HNRNPR: variants seen among roughly 807,000 people sequenced by gnomAD.
The protein encoded by HNRNPR is heterogeneous nuclear ribonucleoprotein R.
HNRNPR carries 4 observed loss-of-function variants against 70.3 expected under a neutral mutation model. The ratio of observed to expected loss-of-function variants is 0.06; its 90% CI spans 0.03 to 0.13. The LOEUF is 0.13. HNRNPR is among the 10% of genes least tolerant of loss of function. The pLI, the probability that HNRNPR is intolerant of heterozygous loss-of-function variation, is 1.00. For synonymous variants in HNRNPR, 241 were observed against 267.6 expected (o/e 0.90, Z 0.97); for missense variants, 423 against 788.5 (o/e 0.54, Z 5.55).
rs1214641512 is a variant in HNRNPR, at chr1:23,319,861, C to T, written c.812-1173G>A. On this transcript the variant is annotated intron_variant, in intron 7 of 10. Transcript: ENST00000302271. ...GCACGTGTTGCTGTCTTGGAATGCA[C>T]TTCCTTTTGCTCTTTGTATGCTACA... is the stretch of plus-strand genomic sequence containing the variant. Among the ~76,000 whole-genome samples the T allele has an allele frequency of 3.9e-4, 59 of 152,178 alleles. 1 individual carries two copies. Among genetic ancestry groups the T allele is most frequent in the Admixed American group, 3.9e-3 (59 of 15,276 alleles).
At chr1:23,326,870 A>G (rs1311342643) in intron 5 of HNRNPR, among the ~76,000 whole-genome samples, 2 of 152,200 alleles carry the variant, frequency 1.3e-5, no homozygotes, top group Non-Finnish European at 2.9e-5. Flanking sequence ...TGCAACTACC[A>G]CCGTCAAAAC....
intron 2 of HNRNPR, among the ~76,000 whole-genome samples, chr1:23,339,100 C>G (rs1002547232): frequency 6.6e-6 from 1 of 152,198 alleles, no homozygotes; most frequent in African/African-American, 2.4e-5. Context: ...TCTTTCCACT[C>G]TCCAAAAAGT....
chr1:23,335,481 T>G (rs913021236), intron 4 of HNRNPR, among the ~76,000 whole-genome samples: 8 of 152,232 alleles, frequency 5.3e-5, no homozygotes, highest in African/African-American at 1.9e-4. Context: ...TCATCTGTAT[T>G]TACAGCCGCT....
chr1:23,308,064 T>G lies in HNRNPR; in HGVS notation c.*2390A>C, dbSNP rs1406321007. On this transcript the variant is annotated 3_prime_UTR_variant, in exon 11 of 11. Coordinates refer to ENST00000302271, the MANE Select transcript of HNRNPR (RefSeq NM_005826.5). ...TGCTACAGTGTTAATTTACAAGACA[T>G]GAAAGAAGAAAAGCTCTTGAGTTTT... 1 of 152,036 alleles carries G rather than the reference T, an allele frequency of 6.6e-6. No individual in the cohort carries two copies. Among genetic ancestry groups the G allele is most frequent in the African/African-American group, 2.4e-5 (1 of 41,450 alleles). The allele number at this position is 152,036 out of a possible 1,614,324, so 9.4% of individuals were successfully genotyped here. A position where few individuals can be genotyped will look rare whatever the true frequency, so the allele number is the denominator to read the frequency against.
intron 1 of HNRNPR, among the ~76,000 whole-genome samples, 186 bp downstream of exon 1, chr1:23,344,025 G>A (rs552403597): frequency 9.2e-5 from 14 of 152,202 alleles, no homozygotes; most frequent in African/African-American, 3.1e-4. Context: ...AGGGCGAGAA[G>A]CGTTTCGGCC....
intron 5 of HNRNPR, 35 bp from the exon 6 acceptor site, chr1:23,323,767 A>G (rs747841299): frequency 1.4e-5 from 22 of 1,580,064 alleles, no homozygotes; most frequent in Non-Finnish European, 1.9e-5. Flanking sequence ...ATCCAACATA[A>G]GCATTTGATT....
rs1569867940 is a variant in HNRNPR, at chr1:23,310,062, T to G, written c.*392A>C. ...AAAACTACTAAGACAAAGCACTAGC[T>G]TGTATTTTTATTTACAGCATACTCC... On this transcript the variant is annotated 3_prime_UTR_variant, in exon 11 of 11. Coordinates refer to ENST00000302271, the MANE Select transcript of HNRNPR (RefSeq NM_005826.5). The surrounding 1 kb of genome is among the most constrained non-coding windows in gnomAD (Gnocchi z 6.0). 1.3e-5 allele frequency: 2 copies of G among 157,224 alleles called. No homozygotes were observed. Among genetic ancestry groups the G allele is most frequent in the East Asian group, 3.8e-4 (2 of 5,328 alleles). 9.7% of individuals were successfully genotyped at this position (157,224 alleles called of 1,614,324 possible). A position where few individuals can be genotyped will look rare whatever the true frequency, so the allele number is the denominator to read the frequency against.
At chr1:23,329,249 A>T (rs904922118) in intron 5 of HNRNPR, among the ~76,000 whole-genome samples, 1 of 152,260 alleles carries the variant, frequency 6.6e-6, no homozygotes, top group Non-Finnish European at 1.5e-5. Flanking sequence ...GAAACAGGAA[A>T]TATCTTCATT....
intron 5 of HNRNPR, among the ~76,000 whole-genome samples, chr1:23,330,549 A>C (rs761346237): frequency 2.6e-5 from 4 of 152,258 alleles, no homozygotes; most frequent in Admixed American, 2.6e-4. Flanking sequence ...AAACAAAAAC[A>C]AAAACAGAAC....
chr1:23,318,787 T>A lies in HNRNPR; in HGVS notation c.812-99A>T. 2 of 1,069,202 alleles carry A rather than the reference T, an allele frequency of 1.9e-6. No homozygotes were observed. Among genetic ancestry groups the A allele is most frequent in the Non-Finnish European group, 2.8e-6 (2 of 724,188 alleles). 66.2% of individuals were successfully genotyped at this position (1,069,202 alleles called of 1,614,324 possible). A position where few individuals can be genotyped will look rare whatever the true frequency, so the allele number is the denominator to read the frequency against. ...CACTTGACGATGAGCAAAATATAAGTGAAGCAGCCTCAACATGAGTCACTA... is the reference window on the plus strand; with the variant it reads ...CACTTGACGATGAGCAAAATATAAGAGAAGCAGCCTCAACATGAGTCACTA... On this transcript the variant is annotated intron_variant, in intron 7 of 10. Transcript: ENST00000302271. The surrounding 1 kb of genome is among the most constrained non-coding windows in gnomAD (Gnocchi z 4.2).
At chr1:23,320,996 G>A (rs761617579) in intron 7 of HNRNPR, among the ~76,000 whole-genome samples, 4 of 151,690 alleles carry the variant, frequency 2.6e-5, no homozygotes, top group East Asian at 1.9e-4. Context: ...GAGAAACCCC[G>A]TCTCTACTAA....
chr1:23,319,810 G>A (rs1224807257), intron 7 of HNRNPR, among the ~76,000 whole-genome samples: 1 of 152,010 alleles, frequency 6.6e-6, no homozygotes, highest in Non-Finnish European at 1.5e-5. Context: ...GTAATATACT[G>A]ACTTCTTTCT....
rs1646559993 is a variant in HNRNPR at position 23,337,814 on chromosome 1, T to C, written c.324A>G (p.Arg108=). 2.5e-6 allele frequency: 4 copies of C among 1,613,610 alleles called. No homozygotes were observed. The highest frequency in any genetic ancestry group is 1.6e-4 in the Middle Eastern group (1 of 6,084). Residue 108 remains arginine, a synonymous_variant, in exon 4 of 11, where the codon AGA becomes AGG. Coordinates refer to ENST00000302271, the MANE Select transcript of HNRNPR (RefSeq NM_005826.5). ...CTTGCACCTTGCTCCCCTGTTTCTCTCTCTGCCTGTAGGTCTTCATAACTC... is the reference window on the plus strand; with the variant it reads ...CTTGCACCTTGCTCCCCTGTTTCTCCCTCTGCCTGTAGGTCTTCATAACTC... ...LCGVMKTYRQ[R]EKQGSKVQES... is the part of the protein sequence containing the mutation.
In HNRNPR at chr1:23,305,144, GTTTTTA is replaced by G. The variant is rs1164911575; in HGVS notation, c.*5304_*5309del. ...TTGTTGGTTCCACAAAATGTATTTT[GTTTTTA>G]GTGTTTAAAGTCAACAAACTGGCAT... is the stretch of plus-strand genomic sequence containing the variant. On this transcript the variant is annotated 3_prime_UTR_variant, in exon 11 of 11. Coordinates refer to ENST00000302271, the MANE Select transcript of HNRNPR (RefSeq NM_005826.5). 6.6e-6 allele frequency: 1 copy of G among 152,056 alleles called. No homozygotes were observed. Among genetic ancestry groups the G allele is most frequent in the Non-Finnish European group, 1.5e-5 (1 of 67,984 alleles). 9.4% of individuals were successfully genotyped at this position (152,056 alleles called of 1,614,324 possible). A position where few individuals can be genotyped will look rare whatever the true frequency, so the allele number is the denominator to read the frequency against.
chr1:23,307,609 TTA>T lies in HNRNPR; in HGVS notation c.*2843_*2844del, dbSNP rs1645222439. 6.6e-6 allele frequency: 1 copy of T among 152,096 alleles called. No individual in the cohort carries two copies. Among genetic ancestry groups the T allele is most frequent in the Admixed American group, 6.5e-5 (1 of 15,270 alleles). The allele number at this position is 152,096 out of a possible 1,614,324, so 9.4% of individuals were successfully genotyped here. ...CTGCATTTATTAGAAATCTGGCAAC[TTA>T]TTAGAACTTTTTTGCTCTTAAAAAT... is the stretch of plus-strand genomic sequence containing the variant. On this transcript the variant is annotated 3_prime_UTR_variant, in exon 11 of 11. Transcript: ENST00000302271.
intron 8 of HNRNPR, among the ~76,000 whole-genome samples, chr1:23,314,754 T>C (rs1290898295): frequency 6.6e-6 from 1 of 152,192 alleles, no homozygotes; most frequent in African/African-American, 2.4e-5. Context: ...TGTAAAATAG[T>C]GTATCTCCTA....
intron 5 of HNRNPR, among the ~76,000 whole-genome samples, chr1:23,330,791 T>C (rs866687712): frequency 1.3e-5 from 2 of 152,240 alleles, no homozygotes; most frequent in Non-Finnish European, 2.9e-5. Flanking sequence ...AGTCCTCTCA[T>C]AATTTTAATA....
In HNRNPR at chr1:23,318,686, C is replaced by A; in HGVS notation, c.814G>T (p.Gly272Cys). The A allele has an allele frequency of 6.2e-7, 1 of 1,614,072 alleles. No homozygotes were observed. Among genetic ancestry groups the A allele is most frequent in the South Asian group, 1.1e-5 (1 of 91,072 alleles). The change falls in exon 8 of 11, where the codon GGT (glycine) becomes TGT (cysteine). Residue 272 changes from glycine (G) to cysteine (C), a missense_variant and splice_region_variant. Physicochemically the swap from Gly to Cys is radical, Grantham distance 159. This residue lies in a region of HNRNPR where 118 missense variants were observed against 239.3 expected (regional missense o/e 0.49). Coordinates refer to ENST00000302271, the MANE Select transcript of HNRNPR (RefSeq NM_005826.5). This position sits in a 1 kb window ranked among gnomAD's most constrained non-coding sequence, Gnocchi z 4.2. Reference sequence around the variant, plus strand: ...TGATAGAGAATAACGTCCACCAAACCCTCTGTTAAACCAACAGCCAGATAT... The same window carrying A: ...TGATAGAGAATAACGTCCACCAAACACTCTGTTAAACCAACAGCCAGATAT... ...ILEEFSKVTE[G>C]LVDVILYHQP...
chr1:23,337,713 T>C, intron 4 of HNRNPR, 41 bp downstream of exon 4: 1 of 1,189,880 alleles, frequency 8.4e-7, no homozygotes, highest in Non-Finnish European at 1.2e-6. Flanking sequence ...GACCTCATCA[T>C]TAAATGCAAT....
Sources: allele counts gnomAD v4.1 joint callset (sites outside exome capture counted in the v4.1 genomes callset), GRCh38; gene constraint gnomAD v4.1.1; regional missense constraint gnomAD v4.1.1; non-coding constraint Gnocchi (gnomAD v3.1); transcripts MANE v1.5; gene names NCBI Gene and HGNC (gene_info 2026-07-23, HGNC 2026-07-21).